CYRIA: variants seen among roughly 807,000 people sequenced by gnomAD.
CYRIA encodes CYFIP-related Rac1 interactor A.
A neutral mutation model predicts 43.9 loss-of-function variants in CYRIA; 15 were observed. That is an observed-to-expected ratio of 0.34 (90% CI 0.23 to 0.53). The LOEUF (loss-of-function observed/expected upper bound fraction) is 0.53, where lower values mean the gene tolerates loss of function less well. Ranked by LOEUF, CYRIA falls within the 20% of genes least tolerant of loss-of-function variation. The probability of loss-of-function intolerance (pLI) is 0.94; values close to 1 mark genes in which losing one functional copy is unlikely to be tolerated. For missense variants in CYRIA, 236 were observed against 394.2 expected (o/e 0.60, Z 3.40); for synonymous variants, 117 against 136.0 (o/e 0.86, Z 0.97).
chr2:16,634,607 C>T (rs1406581273), intron 1 of CYRIA, among the ~76,000 whole-genome samples: 1 of 152,218 alleles, frequency 6.6e-6, no homozygotes, highest in Non-Finnish European at 1.5e-5. Context: ...GAGAAGTTAT[C>T]AAAAACTCTT....
intron 1 of CYRIA, among the ~76,000 whole-genome samples, chr2:16,651,499 G>C (rs1669975983): frequency 6.6e-6 from 1 of 152,186 alleles, no homozygotes. Flanking sequence ...AAATTGATCT[G>C]TGAACAGACT....
intron 1 of CYRIA, among the ~76,000 whole-genome samples, chr2:16,633,908 CAA>C (rs1669413198): frequency 6.6e-6 from 1 of 152,018 alleles, no homozygotes; most frequent in Non-Finnish European, 1.5e-5. Context: ...CCAGTCACAC[CAA>C]AGTGTTTCCC....
At chr2:16,644,743 T>G (rs1379717516) in intron 1 of CYRIA, among the ~76,000 whole-genome samples, 1 of 152,168 alleles carries the variant, frequency 6.6e-6, no homozygotes, top group Non-Finnish European at 1.5e-5. Flanking sequence ...CCAGCATCAC[T>G]GCGCATGCCT....
chr2:16,638,083 C>T (rs1354851611), intron 1 of CYRIA, among the ~76,000 whole-genome samples: 1 of 152,180 alleles, frequency 6.6e-6, no homozygotes, highest in Admixed American at 6.5e-5. Flanking sequence ...AGGAGCCACA[C>T]ACCTGAATAG....
At chr2:16,622,341 A>C (rs963144181) in intron 2 of CYRIA, among the ~76,000 whole-genome samples, 1 of 152,186 alleles carries the variant, frequency 6.6e-6, no homozygotes, top group African/African-American at 2.4e-5. Flanking sequence ...CGGGTGAGAA[A>C]AGGCTTCTAT....
intron 2 of CYRIA, among the ~76,000 whole-genome samples, chr2:16,609,462 GACCACATGTTTCTACC>G (rs1044191236): frequency 6.6e-6 from 1 of 152,182 alleles, no homozygotes; most frequent in African/African-American, 2.4e-5. Flanking sequence ...TCTAGCTGGA[GACCACATGTTTCTACC>G]ACGGGACCCT....
chr2:16,587,594 T>C (rs551462351), intron 3 of CYRIA, among the ~76,000 whole-genome samples: 1 of 152,262 alleles, frequency 6.6e-6, no homozygotes, highest in African/African-American at 2.4e-5. Flanking sequence ...TGATATGATT[T>C]GGCTGTGTCC....
At position 16,573,697 on chromosome 2, in the gene CYRIA, G is replaced by A. The variant is rs146581362; in HGVS notation, c.71-7930C>T. Among the ~76,000 whole-genome samples, 609 of 152,296 alleles carry A rather than the reference G, an allele frequency of 4.0e-3. 4 individuals carry two copies. The highest frequency in any genetic ancestry group is 6.5e-3 in the Non-Finnish European group (439 of 68,028). On this transcript the variant is annotated intron_variant, in intron 3 of 11. Coordinates refer to ENST00000381323, the MANE Select transcript of CYRIA (RefSeq NM_030797.4). ...TCATGAGATCTGATGGTTTTATAAA[G>A]AGGAGTTCCCCTGCACAACTCTCTC...
chr2:16,626,572 G>T (rs1219288744), intron 1 of CYRIA, among the ~76,000 whole-genome samples: 1 of 152,082 alleles, frequency 6.6e-6, no homozygotes, highest in African/African-American at 2.4e-5. Flanking sequence ...ACCAAACATA[G>T]AACAACAAAA....
chr2:16,554,350 G>A (rs1666425829), intron 11 of CYRIA, among the ~76,000 whole-genome samples: 1 of 152,066 alleles, frequency 6.6e-6, no homozygotes, highest in Non-Finnish European at 1.5e-5. Context: ...ACCAATTCTT[G>A]TAGATGTGTC....
chr2:16,617,921 A>T (rs1668861353), intron 2 of CYRIA, among the ~76,000 whole-genome samples: 1 of 152,180 alleles, frequency 6.6e-6, no homozygotes, highest in Non-Finnish European at 1.5e-5. Context: ...CTGGTGACTC[A>T]GTGGCAGTTT....
At chr2:16,627,537 C>T (rs539583115) in intron 1 of CYRIA, among the ~76,000 whole-genome samples, 2 of 152,346 alleles carry the variant, frequency 1.3e-5, no homozygotes, top group South Asian at 4.1e-4. Context: ...TCCCCTTTTA[C>T]AGAAGAGGTA....
At chr2:16,565,982 T>C (rs1666917102) in intron 3 of CYRIA, among the ~76,000 whole-genome samples, 1 of 152,188 alleles carries the variant, frequency 6.6e-6, no homozygotes, top group Non-Finnish European at 1.5e-5. Context: ...GATCTTTTTA[T>C]AGTCATAAAA....
chr2:16,612,861 G>T (rs978934187), intron 2 of CYRIA, among the ~76,000 whole-genome samples: 1 of 152,164 alleles, frequency 6.6e-6, no homozygotes, highest in Non-Finnish European at 1.5e-5. Flanking sequence ...GACATGTCGT[G>T]GGAGGGACCT....
chr2:16,650,218 TTTA>T lies in CYRIA; in HGVS notation c.-167+15559_-167+15561del, dbSNP rs1170371218. Among the ~76,000 whole-genome samples the T allele has an allele frequency of 6.6e-6, 1 of 152,278 alleles. No individual in the cohort carries two copies. Among genetic ancestry groups the T allele is most frequent in the African/African-American group, 2.4e-5 (1 of 41,542 alleles). On this transcript the variant is annotated intron_variant, in intron 1 of 11. Coordinates refer to ENST00000381323, the MANE Select transcript of CYRIA (RefSeq NM_030797.4). The surrounding 1 kb of genome is among the most constrained non-coding windows in gnomAD (Gnocchi z 4.1). ...TCCACATTTTTCCAGATTAAATAAT[TTTA>T]TATTCACAGGTATTATGTTGGGGTC...
intron 2 of CYRIA, among the ~76,000 whole-genome samples, chr2:16,600,789 TCAAACC>T (rs1480363203): frequency 1.3e-5 from 2 of 152,214 alleles, no homozygotes; most frequent in African/African-American, 4.8e-5. Flanking sequence ...TTTATCTCAT[TCAAACC>T]TTACAGCAAA....
chr2:16,555,978 C>T (rs537450222), intron 10 of CYRIA, among the ~76,000 whole-genome samples: 76 of 152,128 alleles, frequency 5.0e-4, no homozygotes, highest in East Asian at 9.7e-4. Context: ...ATAGTTGACC[C>T]GTAATTTGGG....
intron 2 of CYRIA, among the ~76,000 whole-genome samples, chr2:16,605,089 T>C (rs1037923021): frequency 1.3e-5 from 2 of 151,852 alleles, no homozygotes; most frequent in African/African-American, 2.4e-5. Flanking sequence ...GAATACAAGC[T>C]GCTAGAGTCC....
At chr2:16,651,778 C>T (rs1427604008) in intron 1 of CYRIA, among the ~76,000 whole-genome samples, 2 of 151,934 alleles carry the variant, frequency 1.3e-5, no homozygotes, top group African/African-American at 2.4e-5. Context: ...TATCAGGTGC[C>T]GTGAATTTTT....
Sources: allele counts gnomAD v4.1 joint callset (sites outside exome capture counted in the v4.1 genomes callset), GRCh38; gene constraint gnomAD v4.1.1; non-coding constraint Gnocchi (gnomAD v3.1); transcripts MANE v1.5; gene names NCBI Gene and HGNC (gene_info 2026-07-23, HGNC 2026-07-21).